Variants in RFTN1 observed in about 807,000 individuals in gnomAD.
RFTN1 encodes raftlin, lipid raft linker 1, also known as raftlin.
A neutral mutation model predicts 46.5 loss-of-function variants in RFTN1; 26 were observed. The observed-to-expected ratio is 0.56, with a 90% CI of 0.41 to 0.78. The LOEUF is 0.78. Ranked by LOEUF, RFTN1 falls within the 30% of genes least tolerant of loss-of-function variation. The pLI, the probability that RFTN1 is intolerant of heterozygous loss-of-function variation, is 0.00. For synonymous variants in RFTN1, 261 were observed against 284.2 expected, an observed-to-expected ratio of 0.92 and a Z score of 0.82; for missense variants, 693 against 718.7, an observed-to-expected ratio of 0.96 and a Z score of 0.41.
rs1487497249 is a variant in RFTN1, at chr3:16,506,762, T to C, written c.-9+6680A>G. Among the ~76,000 whole-genome samples the C allele has an allele frequency of 6.6e-6, 1 of 152,122 alleles. No individual in the cohort carries two copies. Among genetic ancestry groups the C allele is most frequent in the African/African-American group, 2.4e-5 (1 of 41,426 alleles). On this transcript the variant is annotated intron_variant, in intron 1 of 9. Transcript: ENST00000334133. This position sits in a 1 kb window ranked among gnomAD's most constrained non-coding sequence, Gnocchi z 4.8. ...AGCTCTTGGTAATGCCTCATCTCCCTACATGACAGTAAATTTCTGGAAGGC... is the reference window on the plus strand; with the variant it reads ...AGCTCTTGGTAATGCCTCATCTCCCCACATGACAGTAAATTTCTGGAAGGC...
In RFTN1 at chr3:16,346,580, C is replaced by T. The variant is rs2071733943; in HGVS notation, c.1146+11352G>A. On this transcript the variant is annotated intron_variant, in intron 7 of 9. Transcript: ENST00000334133. This position sits in a 1 kb window ranked among gnomAD's most constrained non-coding sequence, Gnocchi z 4.4. Reference sequence around the variant, plus strand: ...CCAACAGCCCCTCGATGGCCCAGGGCTTCTTCCTCACTGACACCCCCCAGG... The same window carrying T: ...CCAACAGCCCCTCGATGGCCCAGGGTTTCTTCCTCACTGACACCCCCCAGG... The T allele has an allele frequency of 6.6e-6, 1 of 152,256 alleles. No individual in the cohort carries two copies. Among genetic ancestry groups the T allele is most frequent in the Non-Finnish European group, 1.5e-5 (1 of 68,114 alleles). The allele number at this position is 152,256 out of a possible 1,614,324, so 9.4% of individuals were successfully genotyped here.
In RFTN1 at chr3:16,465,266, T is replaced by C. The variant is rs1363188171; in HGVS notation, c.145+28459A>G. ...TATTTCATAGAGGTTTTTGTTGTTG[T>C]TGTTCAGAAAATGAACATATAAGGA... is the stretch of plus-strand genomic sequence containing the variant. On this transcript the variant is annotated intron_variant, in intron 2 of 9. Transcript: ENST00000334133. The surrounding 1 kb of genome is among the most constrained non-coding windows in gnomAD (Gnocchi z 5.1). Among the ~76,000 whole-genome samples, 7 of 152,100 alleles carry C rather than the reference T, an allele frequency of 4.6e-5. No individual in the cohort carries two copies. In the East Asian group the frequency reaches 1.3e-3, roughly 29 times the overall value.
intron 2 of RFTN1, among the ~76,000 whole-genome samples, chr3:16,492,224 T>C (rs1459957364): frequency 2.6e-5 from 4 of 152,198 alleles, no homozygotes; most frequent in Non-Finnish European, 5.9e-5. Flanking sequence ...ATGCACAGAA[T>C]GTCCCTGCAG....
intron 6 of RFTN1, among the ~76,000 whole-genome samples, chr3:16,365,173 G>A (rs1284080330): frequency 7.1e-6 from 1 of 141,496 alleles, no homozygotes; most frequent in Non-Finnish European, 1.6e-5. Flanking sequence ...TCCTGGAGGT[G>A]GGTGGTGTCC....
chr3:16,479,868 A>C lies in RFTN1; in HGVS notation c.145+13857T>G, dbSNP rs753233435. On this transcript the variant is annotated intron_variant, in intron 2 of 9. Transcript: ENST00000334133. The surrounding 1 kb of genome is among the most constrained non-coding windows in gnomAD (Gnocchi z 5.1). ...TAGCCATGCAAGGTGCAGCAGGCCA[A>C]AGGCAAATAATGGTAAATCATGGCA... Among the ~76,000 whole-genome samples the C allele has an allele frequency of 1.3e-5, 2 of 152,244 alleles. No homozygotes were observed. The highest frequency in any genetic ancestry group is 6.5e-5 in the Admixed American group (1 of 15,288).
chr3:16,357,441 C>T (rs546640209), intron 7 of RFTN1, among the ~76,000 whole-genome samples: 1 of 152,314 alleles, frequency 6.6e-6, no homozygotes, highest in African/African-American at 2.4e-5. Context: ...AGGGACCTAA[C>T]CTCTCTGTGC....
rs1188298923 is a variant in RFTN1 at position 16,507,836 on chromosome 3, CACAT to C, written c.-9+5602_-9+5605del. Among the ~76,000 whole-genome samples the C allele has an allele frequency of 2.6e-5, 4 of 151,816 alleles. No individual in the cohort carries two copies. The highest frequency in any genetic ancestry group is 7.2e-5 in the African/African-American group (3 of 41,382). On this transcript the variant is annotated intron_variant, in intron 1 of 9. Coordinates refer to ENST00000334133, the MANE Select transcript of RFTN1 (RefSeq NM_015150.2). This position sits in a 1 kb window ranked among gnomAD's most constrained non-coding sequence, Gnocchi z 7.1. ...ATACATACATACATACACACACACA[CACAT>C]ACACACATATATATACACACACACA...
rs73043138 is a variant in RFTN1 at position 16,428,647 on chromosome 3, C to T, written c.332+5204G>A. Among the ~76,000 whole-genome samples, 4,841 of 152,230 alleles carry T rather than the reference C, an allele frequency of 0.032. 136 individuals are homozygous for T. Among genetic ancestry groups the T allele is most frequent in the South Asian group, 0.14 (662 of 4,816 alleles). ...AGGCATTACTCTACGGAAGCTGTCG[C>T]CAAAGGACTTCAACTCATTCATGAT... On this transcript the variant is annotated intron_variant, in intron 3 of 9. Coordinates refer to ENST00000334133, the MANE Select transcript of RFTN1 (RefSeq NM_015150.2). This position sits in a 1 kb window ranked among gnomAD's most constrained non-coding sequence, Gnocchi z 4.7.
rs1287786633 is a variant in RFTN1 at position 16,413,147 on chromosome 3, G to A, written c.333-3664C>T. On this transcript the variant is annotated intron_variant, in intron 3 of 9. Transcript: ENST00000334133. The surrounding 1 kb of genome is among the most constrained non-coding windows in gnomAD (Gnocchi z 4.7). The stretch of plus-strand genomic sequence containing the variant: ...GAAAACTAACACAGTTCCTGAGGAG[G>A]AAGACATGGCAGTTTCATGCTTAGA... 6.6e-6 allele frequency among the ~76,000 whole-genome samples: 1 copy of A among 152,238 alleles called. No homozygotes were observed. The highest frequency in any genetic ancestry group is 2.1e-4 in the South Asian group (1 of 4,832).
At chr3:16,339,077 C>T (rs2071122762) in intron 7 of RFTN1, among the ~76,000 whole-genome samples, 3 of 152,208 alleles carry the variant, frequency 2.0e-5, no homozygotes, top group Admixed American at 6.5e-5. Context: ...CCACACAACA[C>T]ACCATGTGCT....
At chr3:16,454,150 A>G (rs560232065) in intron 2 of RFTN1, among the ~76,000 whole-genome samples, 1 of 152,326 alleles carries the variant, frequency 6.6e-6, no homozygotes, top group Non-Finnish European at 1.5e-5. Flanking sequence ...TCCTAATGAG[A>G]GTCATTTCCA....
intron 2 of RFTN1, among the ~76,000 whole-genome samples, chr3:16,436,379 C>T (rs2075516441): frequency 6.9e-6 from 1 of 145,774 alleles, no homozygotes; most frequent in African/African-American, 2.6e-5. Flanking sequence ...TTTTTTAAGA[C>T]AAAGTCTCTC....
intron 2 of RFTN1, among the ~76,000 whole-genome samples, chr3:16,455,604 T>C (rs1161276449): frequency 6.6e-6 from 1 of 152,192 alleles, no homozygotes; most frequent in Non-Finnish European, 1.5e-5. Flanking sequence ...CAGTCATTTA[T>C]GGTCCTCAAA....
Position 16,338,785 on chromosome 3 carries a change from G to A in RFTN1, c.1147-11909C>T, listed in dbSNP as rs755419308. 1.4e-4 allele frequency among the ~76,000 whole-genome samples: 21 copies of A among 152,158 alleles called. No individual in the cohort carries two copies. The highest frequency in any genetic ancestry group is 2.6e-4 in the Non-Finnish European group (18 of 68,028). The stretch of plus-strand genomic sequence containing the variant: ...TATGTATTACCTAGAAAAGAGAAAA[G>A]GGATTGAAAAAAGGAGCTTTTCCAA... On this transcript the variant is annotated intron_variant, in intron 7 of 9. Coordinates refer to ENST00000334133, the MANE Select transcript of RFTN1 (RefSeq NM_015150.2). The surrounding 1 kb of genome is among the most constrained non-coding windows in gnomAD (Gnocchi z 5.3).
intron 4 of RFTN1, among the ~76,000 whole-genome samples, chr3:16,406,921 A>G (rs1375178431): frequency 6.6e-6 from 1 of 152,220 alleles, no homozygotes; most frequent in African/African-American, 2.4e-5. Flanking sequence ...ACACACATCT[A>G]TAATCAGTGG....
At chr3:16,397,977 T>C (rs2125415400) in intron 4 of RFTN1, among the ~76,000 whole-genome samples, 1 of 152,248 alleles carries the variant, frequency 6.6e-6, no homozygotes. Context: ...CCGGGCGCGG[T>C]GGCTCACGCC....
At chr3:16,360,192 G>A (rs1430142792) in intron 6 of RFTN1, among the ~76,000 whole-genome samples, 6 of 150,802 alleles carry the variant, frequency 4.0e-5, no homozygotes, top group African/African-American at 1.5e-4. Context: ...TTTTGTTTGA[G>A]GTAGGGTCTC....
rs978893648 is a variant in RFTN1, at chr3:16,421,757, T to C, written c.332+12094A>G. On this transcript the variant is annotated intron_variant, in intron 3 of 9. Transcript: ENST00000334133. This position sits in a 1 kb window ranked among gnomAD's most constrained non-coding sequence, Gnocchi z 4.6. Reference sequence around the variant, plus strand: ...GAGAGAGAAGGATTTTACATTTACATTACGGGTATTCTCTTCAATCTGCAA... The same window carrying C: ...GAGAGAGAAGGATTTTACATTTACACTACGGGTATTCTCTTCAATCTGCAA... Among the ~76,000 whole-genome samples, 2 of 152,202 alleles carry C rather than the reference T, an allele frequency of 1.3e-5. No individual in the cohort carries two copies. Among genetic ancestry groups the C allele is most frequent in the Non-Finnish European group, 2.9e-5 (2 of 68,042 alleles).
In RFTN1 at chr3:16,422,344, G is replaced by T. The variant is rs971781755; in HGVS notation, c.332+11507C>A. On this transcript the variant is annotated intron_variant, in intron 3 of 9. Coordinates refer to ENST00000334133, the MANE Select transcript of RFTN1 (RefSeq NM_015150.2). The surrounding 1 kb of genome is among the most constrained non-coding windows in gnomAD (Gnocchi z 4.6). ...TATCAAGATCCTAAAAAAGAATAGT[G>T]CCCTGGCCGGGTGTGGTGGCTCACG... 1.3e-5 allele frequency among the ~76,000 whole-genome samples: 2 copies of T among 151,984 alleles called. No homozygotes were observed. The highest frequency in any genetic ancestry group is 4.8e-5 in the African/African-American group (2 of 41,412).
Sources: allele counts gnomAD v4.1 joint callset (sites outside exome capture counted in the v4.1 genomes callset), GRCh38; gene constraint gnomAD v4.1.1; non-coding constraint Gnocchi (gnomAD v3.1); transcripts MANE v1.5; gene names NCBI Gene and HGNC (gene_info 2026-07-23, HGNC 2026-07-21).